Variants in APBA1 observed in about 807,000 individuals in gnomAD.
APBA1 encodes the protein amyloid beta precursor protein binding family A member 1.
APBA1 carries 55 observed loss-of-function variants against 86.6 expected under a neutral mutation model. That is an observed-to-expected ratio of 0.64 (90% CI 0.51 to 0.80). APBA1 has a LOEUF of 0.80. APBA1 is among the 30% of genes least tolerant of loss of function. The pLI is 0.00. For missense variants in APBA1, 1,090 were observed against 1,183.0 expected, an observed-to-expected ratio of 0.92 and a Z score of 1.15; for synonymous variants, 511 against 493.9, an observed-to-expected ratio of 1.03 and a Z score of -0.46.
chr9:69,647,754 A>T (rs1317148551), intron 1 of APBA1, among the ~76,000 whole-genome samples: 1 of 152,274 alleles, frequency 6.6e-6, no homozygotes, highest in African/African-American at 2.4e-5. Flanking sequence ...ACAAAGACAG[A>T]ATAATACTAT....
intron 1 of APBA1, among the ~76,000 whole-genome samples, chr9:69,520,691 A>T (rs138079374): frequency 2.6e-5 from 4 of 152,140 alleles, no homozygotes; most frequent in Non-Finnish European, 5.9e-5. Flanking sequence ...CTCGCTCTCA[A>T]ACTGGGTTCC....
intron 1 of APBA1, among the ~76,000 whole-genome samples, chr9:69,534,178 T>G (rs1007888610): frequency 3.3e-5 from 5 of 152,212 alleles, no homozygotes; most frequent in African/African-American, 1.2e-4. Flanking sequence ...CACATGCCCT[T>G]TCTGAGGAGA....
At chr9:69,505,372 G>A (rs1360826886) in intron 2 of APBA1, among the ~76,000 whole-genome samples, 2 of 152,048 alleles carry the variant, frequency 1.3e-5, no homozygotes, top group Non-Finnish European at 2.9e-5. Context: ...ACTTCTAGAG[G>A]ATGAGGAAGT....
chr9:69,482,276 G>GAA (rs147173175), intron 2 of APBA1, among the ~76,000 whole-genome samples: 1 of 151,518 alleles, frequency 6.6e-6, no homozygotes, highest in Admixed American at 6.6e-5. Flanking sequence ...AAATTTACAA[G>GAA]AAAAAAACAA....
rs548010422 is a variant in APBA1 at position 69,497,917 on chromosome 9, A to T, written c.1200+18094T>A. Among the ~76,000 whole-genome samples, 5 of 152,266 alleles carry T rather than the reference A, an allele frequency of 3.3e-5. No individual in the cohort carries two copies. The South Asian group carries it at 1.0e-3, about 32-fold the overall frequency. ...TTGACAAGGTCAGTGGGAGAGGACA[A>T]GGCCAGCAGCTGCTCTGCCCTAAAT... On this transcript the variant is annotated intron_variant, in intron 2 of 12. Coordinates refer to ENST00000265381, the MANE Select transcript of APBA1 (RefSeq NM_001163.4).
chr9:69,616,413 A>G (rs1393930288), intron 1 of APBA1, among the ~76,000 whole-genome samples: 2 of 152,216 alleles, frequency 1.3e-5, no homozygotes, highest in Admixed American at 6.5e-5. Context: ...TGATTGATGC[A>G]ATACCTTTAA....
intron 11 of APBA1, 68 bp downstream of exon 11, chr9:69,440,928 C>A: frequency 1.9e-6 from 3 of 1,567,146 alleles, no homozygotes; most frequent in East Asian, 2.3e-5. Context: ...TTGGCTCCAC[C>A]CCCCCAGCCA....
chr9:69,429,002 TAG>T lies in APBA1; in HGVS notation c.*2323_*2324del, dbSNP rs1480769112. The T allele has an allele frequency of 1.3e-5, 2 of 152,228 alleles. No homozygotes were observed. The highest frequency in any genetic ancestry group is 2.9e-5 in the Non-Finnish European group (2 of 68,030). The allele number at this position is 152,228 out of a possible 1,614,324, so 9.4% of individuals were successfully genotyped here. On this transcript the variant is annotated 3_prime_UTR_variant, in exon 13 of 13. Coordinates refer to ENST00000265381, the MANE Select transcript of APBA1 (RefSeq NM_001163.4). ...TTACAAGGTTTTTGTGCAATAGGAATAGAAAGTATATTCTCTCCTTTAGGTGA... is the reference window on the plus strand; with the variant it reads ...TTACAAGGTTTTTGTGCAATAGGAATAAAGTATATTCTCTCCTTTAGGTGA...
chr9:69,495,438 C>T (rs951560415), intron 2 of APBA1, among the ~76,000 whole-genome samples: 39 of 151,998 alleles, frequency 2.6e-4, no homozygotes, highest in African/African-American at 8.7e-4. Flanking sequence ...ACTTGAGAGC[C>T]GAGGCTAAGT....
At chr9:69,441,236 C>G (rs1834817456) in intron 10 of APBA1, 121 bp from the exon 11 acceptor site, 2 of 1,262,132 alleles carry the variant, frequency 1.6e-6, no homozygotes, top group Non-Finnish European at 2.2e-6. Flanking sequence ...CCACTGCCTG[C>G]TTGCCTGCAG....
chr9:69,430,740 A>G lies in APBA1; in HGVS notation c.*587T>C, dbSNP rs2133775852. ...GGGGTGAGAAGGCTCGTATTAGAAAACACACATACGTTGAAATTAGAACTA... is the reference window on the plus strand; with the variant it reads ...GGGGTGAGAAGGCTCGTATTAGAAAGCACACATACGTTGAAATTAGAACTA... On this transcript the variant is annotated 3_prime_UTR_variant, in exon 13 of 13. Coordinates refer to ENST00000265381, the MANE Select transcript of APBA1 (RefSeq NM_001163.4). 6.5e-6 allele frequency: 1 copy of G among 152,694 alleles called. No individual in the cohort carries two copies. The highest frequency in any genetic ancestry group is 6.5e-5 in the Admixed American group (1 of 15,290). The allele number at this position is 152,694 out of a possible 1,614,324, so 9.5% of individuals were successfully genotyped here. A position where few individuals can be genotyped will look rare whatever the true frequency, so the allele number is the denominator to read the frequency against.
At chr9:69,608,221 A>G (rs946255475) in intron 1 of APBA1, among the ~76,000 whole-genome samples, 3 of 152,200 alleles carry the variant, frequency 2.0e-5, no homozygotes, top group Non-Finnish European at 4.4e-5. Flanking sequence ...CTTAATTACA[A>G]TGATGAACAC....
rs528203896 is a variant in APBA1, at chr9:69,635,383, A to C, written c.-70+36770T>G. The stretch of plus-strand genomic sequence containing the variant: ...AACATATACACACAAAAAAAGCAAG[A>C]AATTAAAACACACCACCAGATAAAA... On this transcript the variant is annotated intron_variant, in intron 1 of 12. Coordinates refer to ENST00000265381, the MANE Select transcript of APBA1 (RefSeq NM_001163.4). Among the ~76,000 whole-genome samples the C allele has an allele frequency of 5.3e-5, 8 of 152,262 alleles. No homozygotes were observed. In the East Asian group the frequency reaches 1.5e-3, roughly 29 times the overall value.
chr9:69,464,447 T>G (rs956902124), intron 5 of APBA1: 14 of 152,206 alleles, frequency 9.2e-5, no homozygotes, highest in African/African-American at 3.4e-4. Context: ...CTTGTAAAAA[T>G]AAATCTATGT....
chr9:69,572,807 A>T (rs1016276833), intron 1 of APBA1, among the ~76,000 whole-genome samples: 4 of 152,236 alleles, frequency 2.6e-5, no homozygotes, highest in African/African-American at 9.6e-5. Flanking sequence ...AACAGTAGAT[A>T]CTAAGCTGTT....
At chr9:69,597,061 T>A (rs1740722229) in intron 1 of APBA1, among the ~76,000 whole-genome samples, 2 of 152,228 alleles carry the variant, frequency 1.3e-5, no homozygotes, top group African/African-American at 2.4e-5. Context: ...CTGAAGGGAC[T>A]AATACATTAC....
intron 1 of APBA1, among the ~76,000 whole-genome samples, chr9:69,643,560 T>C (rs987046648): frequency 5.3e-5 from 8 of 152,140 alleles, no homozygotes; most frequent in Admixed American, 2.6e-4. Flanking sequence ...CTCATTCCTC[T>C]CCCTCCTTCT....
At chr9:69,596,445 T>C (rs868022086) in intron 1 of APBA1, among the ~76,000 whole-genome samples, 1 of 152,202 alleles carries the variant, frequency 6.6e-6, no homozygotes, top group Admixed American at 6.5e-5. Flanking sequence ...CACAGGCTCA[T>C]GGCGAATGAA....
chr9:69,654,035 A>G (rs1206149532), intron 1 of APBA1, among the ~76,000 whole-genome samples: 1 of 151,188 alleles, frequency 6.6e-6, no homozygotes, highest in East Asian at 1.9e-4. Flanking sequence ...GAAATGCTGG[A>G]ATCTGGGAGG....
Sources: allele counts gnomAD v4.1 joint callset (sites outside exome capture counted in the v4.1 genomes callset), GRCh38; gene constraint gnomAD v4.1.1; transcripts MANE v1.5; gene names NCBI Gene and HGNC (gene_info 2026-07-23, HGNC 2026-07-21).